The following GRIA4 variants were observed in gnomAD, a reference collection of about 807,000 sequenced individuals.
The protein encoded by GRIA4 is glutamate receptor 4.
Under a neutral mutation model 104.0 loss-of-function variants are expected in GRIA4, and 34 were observed. That is an observed-to-expected ratio of 0.33 (90% CI 0.25 to 0.44). The LOEUF is 0.44. GRIA4 is among the 20% of genes least tolerant of loss of function. The pLI is 1.00. For missense variants in GRIA4, 750 were observed against 1,096.5 expected (o/e 0.68, Z 4.46); for synonymous variants, 386 against 381.9 (o/e 1.01, Z -0.13).
chr11:105,762,440 T>C (rs1721617056), intron 4 of GRIA4, among the ~76,000 whole-genome samples: 1 of 152,222 alleles, frequency 6.6e-6, no homozygotes, highest in South Asian at 2.1e-4. Flanking sequence ...GTGATTAGAA[T>C]ATCCTTCTGA....
chr11:105,962,959 T>C (rs990561123), intron 14 of GRIA4, among the ~76,000 whole-genome samples: 3 of 152,164 alleles, frequency 2.0e-5, no homozygotes, highest in Non-Finnish European at 4.4e-5. Context: ...GACACTGATA[T>C]ACTTAATCAG....
chr11:105,780,774 C>T (rs1387015676), intron 4 of GRIA4, among the ~76,000 whole-genome samples: 1 of 152,042 alleles, frequency 6.6e-6, no homozygotes, highest in Non-Finnish European at 1.5e-5. Context: ...AGCCATAATT[C>T]AACAATGAAA....
chr11:105,839,145 T>C (rs1401613078), intron 4 of GRIA4, among the ~76,000 whole-genome samples: 2 of 152,030 alleles, frequency 1.3e-5, no homozygotes, highest in Admixed American at 1.3e-4. Flanking sequence ...AGACATACAT[T>C]ATATGACAGT....
intron 4 of GRIA4, among the ~76,000 whole-genome samples, chr11:105,794,071 A>C: frequency 6.6e-6 from 1 of 152,090 alleles, no homozygotes; most frequent in Non-Finnish European, 1.5e-5. Flanking sequence ...ATAATTCTGC[A>C]TATCTAGGAG....
At chr11:105,940,237 C>T (rs1948150509) in intron 14 of GRIA4, among the ~76,000 whole-genome samples, 1 of 151,958 alleles carries the variant, frequency 6.6e-6, no homozygotes, top group Non-Finnish European at 1.5e-5. Context: ...TGGTGGTGCA[C>T]CTATAGTCCC....
intron 3 of GRIA4, among the ~76,000 whole-genome samples, chr11:105,694,559 T>C (rs532768614): frequency 3.9e-5 from 6 of 152,110 alleles, no homozygotes; most frequent in Admixed American, 2.0e-4. Flanking sequence ...ATTTTATTAA[T>C]ACATTCTTTA....
intron 5 of GRIA4, among the ~76,000 whole-genome samples, chr11:105,866,567 A>ATATATATG (rs1555031874): frequency 8.7e-6 from 1 of 114,888 alleles, no homozygotes; most frequent in Non-Finnish European, 2.0e-5. Flanking sequence ...ATATATATAT[A>ATATATATG]TATATATATA....
intron 4 of GRIA4, among the ~76,000 whole-genome samples, chr11:105,815,888 A>G (rs1304331877): frequency 6.6e-6 from 1 of 152,158 alleles, no homozygotes; most frequent in Non-Finnish European, 1.5e-5. Flanking sequence ...CTGTGTCAAG[A>G]TATTTATCCA....
intron 14 of GRIA4, among the ~76,000 whole-genome samples, chr11:105,967,368 A>G (rs531441040): frequency 6.6e-6 from 1 of 152,328 alleles, no homozygotes; most frequent in South Asian, 2.1e-4. Context: ...ATTTATTGAA[A>G]TGAACTGGAC....
intron 3 of GRIA4, chr11:105,614,392 T>C (rs534799775): frequency 3.3e-5 from 5 of 152,006 alleles, no homozygotes; most frequent in African/African-American, 1.2e-4. Context: ...TTATTTTATT[T>C]ATGTAATAAA....
chr11:105,830,676 A>T (rs1484210171), intron 4 of GRIA4, among the ~76,000 whole-genome samples: 1 of 152,092 alleles, frequency 6.6e-6, no homozygotes, highest in East Asian at 1.9e-4. Flanking sequence ...TCTATTCCTC[A>T]CTTGCAGTTT....
intron 3 of GRIA4, among the ~76,000 whole-genome samples, chr11:105,730,681 T>G (rs891201929): frequency 1.2e-4 from 18 of 152,054 alleles, no homozygotes; most frequent in African/African-American, 4.4e-4. Flanking sequence ...AAAACACATA[T>G]ATAGACCAAT....
intron 4 of GRIA4, among the ~76,000 whole-genome samples, chr11:105,836,363 T>G (rs1944185679): frequency 6.6e-6 from 1 of 152,108 alleles, no homozygotes; most frequent in Non-Finnish European, 1.5e-5. Flanking sequence ...GAAGCTTTCA[T>G]TTTGAGGTGG....
chr11:105,744,336 T>C (rs934556517), intron 3 of GRIA4, among the ~76,000 whole-genome samples: 9 of 152,192 alleles, frequency 5.9e-5, no homozygotes, highest in African/African-American at 9.7e-5. Context: ...TTTTTGGAAG[T>C]GCATGCTTTC....
chr11:105,734,184 G>A (rs904228512), intron 3 of GRIA4, among the ~76,000 whole-genome samples: 1 of 151,256 alleles, frequency 6.6e-6, no homozygotes, highest in African/African-American at 2.4e-5. Context: ...CTCAAACTAA[G>A]TATGTATAAA....
intron 5 of GRIA4, among the ~76,000 whole-genome samples, chr11:105,866,549 GTGTATATATATATATATATATATA>G (rs1282038518): frequency 1.3e-5 from 1 of 78,268 alleles, no homozygotes; most frequent in Non-Finnish European, 2.7e-5. Flanking sequence ...GTGTGTGTGT[GTGTATATATATATATATATATATA>G]TATATATATA....
At chr11:105,746,541 C>T (rs1939671650) in intron 3 of GRIA4, among the ~76,000 whole-genome samples, 1 of 151,596 alleles carries the variant, frequency 6.6e-6, no homozygotes, top group East Asian at 1.9e-4. Flanking sequence ...ATTGACAAGT[C>T]ATAGAAAAGT....
intron 9 of GRIA4, among the ~76,000 whole-genome samples, chr11:105,905,863 A>T (rs1947025043): frequency 6.6e-6 from 1 of 152,188 alleles, no homozygotes; most frequent in Admixed American, 6.5e-5. Context: ...GGATTTGGGA[A>T]GATAATTATC....
intron 3 of GRIA4, among the ~76,000 whole-genome samples, chr11:105,716,435 T>C (rs1954091126): frequency 6.6e-6 from 1 of 152,176 alleles, no homozygotes; most frequent in African/African-American, 2.4e-5. Context: ...TTTTAAATGA[T>C]AATACAGTGG....
Sources: gnomAD v4.1 joint callset for allele counts (sites outside exome capture counted in the v4.1 genomes callset) on GRCh38, gnomAD v4.1.1 for gene constraint, MANE v1.5 for transcripts, NCBI Gene and HGNC (gene_info 2026-07-23, HGNC 2026-07-21) for gene names.